Variants in RAB3C observed in about 807,000 individuals in gnomAD.
RAB3C encodes the protein RAB3C, member RAS oncogene family.
A neutral mutation model predicts 26.4 loss-of-function variants in RAB3C; 17 were observed. The observed-to-expected ratio is 0.64, with a 90% CI of 0.44 to 0.97. RAB3C has a LOEUF of 0.97. Ranked by LOEUF, RAB3C falls within the 50% of genes least tolerant of loss-of-function variation. The probability of loss-of-function intolerance (pLI) is 0.00; values close to 1 mark genes in which losing one functional copy is unlikely to be tolerated. For synonymous variants in RAB3C, 91 were observed against 95.9 expected, an observed-to-expected ratio of 0.95 and a Z score of 0.30; for missense variants, 242 against 281.9, an observed-to-expected ratio of 0.86 and a Z score of 1.01.
chr5:58,693,254 A>T lies in RAB3C; in HGVS notation c.253-32748A>T, dbSNP rs1010022064. 3.3e-3 allele frequency among the ~76,000 whole-genome samples: 476 copies of T among 145,368 alleles called. 2 individuals are homozygous for T. The highest frequency in any genetic ancestry group is 5.3e-3 in the Non-Finnish European group (349 of 66,156). On this transcript the variant is annotated intron_variant, in intron 2 of 4. Transcript: ENST00000282878. ...ATAAAGTTATAATTATATAAATTTA[A>T]TTATATAAATATAATTAAGATAAAG...
intron 3 of RAB3C, among the ~76,000 whole-genome samples, chr5:58,728,404 A>G (rs1487778320): frequency 6.6e-6 from 1 of 151,988 alleles, no homozygotes; most frequent in Non-Finnish European, 1.5e-5. Flanking sequence ...ATGCCTCTCC[A>G]ATCTATTGCT....
intron 2 of RAB3C, among the ~76,000 whole-genome samples, chr5:58,716,655 T>A (rs49961): frequency 0.6 from 91,363 of 151,810 alleles, 28,002 homozygotes; most frequent in African/African-American, 0.69. Flanking sequence ...ATTGGTAGTT[T>A]GCTCGGTAAA....
At chr5:58,600,951 T>G (rs1175042346) in intron 1 of RAB3C, among the ~76,000 whole-genome samples, 1 of 151,970 alleles carries the variant, frequency 6.6e-6, no homozygotes, top group Non-Finnish European at 1.5e-5. Context: ...TTTCAACTTT[T>G]CCCCATTCAG....
chr5:58,714,122 G>T (rs1019697943), intron 2 of RAB3C, among the ~76,000 whole-genome samples: 1 of 152,092 alleles, frequency 6.6e-6, no homozygotes, highest in Non-Finnish European at 1.5e-5. Context: ...AAATGGAAAA[G>T]AGCCTAAGAA....
At chr5:58,663,481 T>A (rs1561282385) in intron 2 of RAB3C, among the ~76,000 whole-genome samples, 1 of 150,400 alleles carries the variant, frequency 6.6e-6, no homozygotes. Flanking sequence ...ATTTTGATCA[T>A]CTTACTCCTA....
At chr5:58,832,113 G>C (rs1358035725) in intron 4 of RAB3C, among the ~76,000 whole-genome samples, 1 of 152,154 alleles carries the variant, frequency 6.6e-6, no homozygotes, top group Admixed American at 6.5e-5. Flanking sequence ...CGTGCTGCCC[G>C]GCCACAGGGA....
rs189894245 is a variant in RAB3C, at chr5:58,685,991, G to A, written c.253-40011G>A. Reference sequence around the variant, plus strand: ...TGCAGGAAATAATTTTAAAAGAAAAGCAGGTGACATGATTAGATATGTAAT... The same window carrying A: ...TGCAGGAAATAATTTTAAAAGAAAAACAGGTGACATGATTAGATATGTAAT... On this transcript the variant is annotated intron_variant, in intron 2 of 4. Transcript: ENST00000282878. Among the ~76,000 whole-genome samples, 87 of 152,288 alleles carry A rather than the reference G, an allele frequency of 5.7e-4. 1 individual carries two copies. Among genetic ancestry groups the A allele is most frequent in the African/African-American group, 2.1e-3 (86 of 41,570 alleles).
At chr5:58,770,898 C>T (rs774065678) in intron 3 of RAB3C, among the ~76,000 whole-genome samples, 6 of 152,032 alleles carry the variant, frequency 3.9e-5, no homozygotes, top group East Asian at 1.9e-4. Context: ...TACTCACACA[C>T]GTAAAAACAT....
chr5:58,828,215 A>G (rs1743534026), intron 4 of RAB3C, among the ~76,000 whole-genome samples: 1 of 152,224 alleles, frequency 6.6e-6, no homozygotes. Flanking sequence ...AAATAACCCT[A>G]CCTTCTAGGA....
At chr5:58,790,818 A>AG (rs905842333) in intron 3 of RAB3C, among the ~76,000 whole-genome samples, 5 of 152,270 alleles carry the variant, frequency 3.3e-5, no homozygotes, top group African/African-American at 1.2e-4. Flanking sequence ...AGGAAAAAAA[A>AG]TCAAGAAGCC....
rs144619696 is a variant in RAB3C, at chr5:58,730,135, G to A, written c.371+4015G>A. Among the ~76,000 whole-genome samples the A allele has an allele frequency of 1.1e-3, 163 of 151,420 alleles. 1 individual carries two copies. The East Asian group carries it at 0.021, about 20-fold the overall frequency. On this transcript the variant is annotated intron_variant, in intron 3 of 4. Transcript: ENST00000282878. Reference sequence around the variant, plus strand: ...TGGCACCAATTATATTTATCTTTTCGTTTTTCTTAAGTGTATACTTGTCTT... The same window carrying A: ...TGGCACCAATTATATTTATCTTTTCATTTTTCTTAAGTGTATACTTGTCTT...
chr5:58,752,057 G>T (rs1447064635), intron 3 of RAB3C, among the ~76,000 whole-genome samples: 1 of 142,606 alleles, frequency 7.0e-6, no homozygotes, highest in Non-Finnish European at 1.5e-5. Context: ...AATTATTACA[G>T]AGATGCAAAA....
chr5:58,658,878 G>A (rs937506888), intron 2 of RAB3C, among the ~76,000 whole-genome samples: 16 of 152,128 alleles, frequency 1.1e-4, no homozygotes, highest in Admixed American at 9.2e-4. Flanking sequence ...GAGGGAGGAA[G>A]CATGCAAGGC....
At chr5:58,766,928 G>A (rs1441315115) in intron 3 of RAB3C, among the ~76,000 whole-genome samples, 9 of 152,134 alleles carry the variant, frequency 5.9e-5, no homozygotes, top group Admixed American at 5.9e-4. Flanking sequence ...GAAGTTAGAG[G>A]AAAGAAGTGA....
chr5:58,598,504 A>G (rs1746375987), intron 1 of RAB3C, among the ~76,000 whole-genome samples: 1 of 152,072 alleles, frequency 6.6e-6, no homozygotes, highest in Non-Finnish European at 1.5e-5. Context: ...AGCTCTCTCC[A>G]GGTTTCTACA....
intron 3 of RAB3C, among the ~76,000 whole-genome samples, chr5:58,819,149 A>C (rs142228545): frequency 2.0e-5 from 3 of 152,222 alleles, no homozygotes; most frequent in African/African-American, 7.2e-5. Flanking sequence ...AGATGTTGCA[A>C]CTTAAAAAGT....
chr5:58,623,225 G>A (rs1361655224), intron 2 of RAB3C, among the ~76,000 whole-genome samples: 3 of 152,156 alleles, frequency 2.0e-5, no homozygotes, highest in African/African-American at 4.8e-5. Context: ...GTTGGAGAAC[G>A]TGAACATAAA....
intron 1 of RAB3C, among the ~76,000 whole-genome samples, chr5:58,586,662 A>G (rs1746014243): frequency 6.6e-6 from 1 of 152,086 alleles, no homozygotes; most frequent in African/African-American, 2.4e-5. Context: ...GGGTCACTTC[A>G]TAAATGCAGT....
chr5:58,671,952 A>C (rs540122480), intron 2 of RAB3C, among the ~76,000 whole-genome samples: 73 of 152,292 alleles, frequency 4.8e-4, no homozygotes, highest in Non-Finnish European at 9.4e-4. Context: ...TAGAAAAAAA[A>C]CTTTAATTTT....
Sources: allele counts gnomAD v4.1 joint callset (sites outside exome capture counted in the v4.1 genomes callset), GRCh38; gene constraint gnomAD v4.1.1; transcripts MANE v1.5; gene names NCBI Gene and HGNC (gene_info 2026-07-23, HGNC 2026-07-21).